The following OSBPL10 variants were observed in gnomAD, a reference collection of about 807,000 sequenced individuals.
The protein encoded by OSBPL10 is oxysterol-binding protein-related protein 10.
Under a neutral mutation model 81.7 loss-of-function variants are expected in OSBPL10, and 49 were observed. That is an observed-to-expected ratio of 0.60 (90% CI 0.48 to 0.76). OSBPL10 has a LOEUF of 0.76. Among genes scored for constraint, OSBPL10 ranks in the 30% least tolerant of loss-of-function variants. The pLI is 0.00. For synonymous variants in OSBPL10, 419 were observed against 383.6 expected (o/e 1.09, Z -1.08); for missense variants, 923 against 987.8 (o/e 0.93, Z 0.88).
At chr3:31,851,416 A>C (rs958386887) in intron 3 of OSBPL10, among the ~76,000 whole-genome samples, 1 of 152,164 alleles carries the variant, frequency 6.6e-6, no homozygotes, top group Non-Finnish European at 1.5e-5. Flanking sequence ...AATGGAGAGG[A>C]AACCGGCAAG....
intron 3 of OSBPL10, among the ~76,000 whole-genome samples, chr3:31,875,154 T>C (rs993285817): frequency 2.7e-5 from 4 of 150,624 alleles, no homozygotes; most frequent in Non-Finnish European, 5.9e-5. Context: ...TGTATTTACG[T>C]AGATACAGTT....
intron 2 of OSBPL10, among the ~76,000 whole-genome samples, chr3:32,040,879 A>T (rs1162306802): frequency 6.6e-6 from 1 of 152,210 alleles, no homozygotes; most frequent in Non-Finnish European, 1.5e-5. Flanking sequence ...TAGGGAACAG[A>T]GAAGAACTGA....
Position 31,830,030 on chromosome 3 carries a change from C to A in OSBPL10, c.729+10G>T, listed in dbSNP as rs200593585. On this transcript the variant is annotated intron_variant, in intron 4 of 11. Coordinates refer to ENST00000396556, the MANE Select transcript of OSBPL10 (RefSeq NM_017784.5). ...GGGGCTGCTTAACCTAGTAGGAGAG[C>A]AAAGCCTACCTCTCTGACTTCGTGA... The A allele has an allele frequency of 1.2e-4, 195 of 1,608,532 alleles. No homozygotes were observed. Among genetic ancestry groups the A allele is most frequent in the Non-Finnish European group, 1.4e-4 (167 of 1,177,930 alleles).
chr3:31,672,281 G>A (rs1316467131), intron 8 of OSBPL10, among the ~76,000 whole-genome samples: 1 of 146,738 alleles, frequency 6.8e-6, no homozygotes, highest in African/African-American at 2.5e-5. Flanking sequence ...TTTAAGAGAG[G>A]TTAAGTAATT....
At chr3:31,929,727 G>A (rs1351682698) in intron 1 of OSBPL10, among the ~76,000 whole-genome samples, 12 of 146,432 alleles carry the variant, frequency 8.2e-5, no homozygotes, top group African/African-American at 2.8e-4. Context: ...CAGCCTGGGC[G>A]ACAGGGCAAG....
At chr3:31,818,322 G>A (rs992079958) in intron 4 of OSBPL10, among the ~76,000 whole-genome samples, 1 of 152,158 alleles carries the variant, frequency 6.6e-6, no homozygotes, top group Non-Finnish European at 1.5e-5. Context: ...CACTTGAACT[G>A]CAATATTGGC....
chr3:31,764,536 G>GT (rs1422050436), intron 4 of OSBPL10, among the ~76,000 whole-genome samples: 2 of 152,202 alleles, frequency 1.3e-5, no homozygotes, highest in Non-Finnish European at 2.9e-5. Flanking sequence ...GAAGGATCGA[G>GT]TTCCAAAGCT....
At chr3:31,822,936 TA>T (rs1374289871) in intron 4 of OSBPL10, among the ~76,000 whole-genome samples, 1 of 53,602 alleles carries the variant, frequency 1.9e-5, no homozygotes, top group Non-Finnish European at 4.0e-5. Context: ...AAAGTTAAAA[TA>T]GAAAAAAAAA....
chr3:31,876,390 G>C (rs755241795), intron 3 of OSBPL10, 43 bp downstream of exon 3: 30 of 1,503,906 alleles, frequency 2.0e-5, no homozygotes, highest in Admixed American at 3.3e-5. Flanking sequence ...TGAAAGCCAG[G>C]CTGGTTATTC....
chr3:31,983,149 T>G (rs1291086651), upstream of OSBPL10, among the ~76,000 whole-genome samples: 2 of 152,338 alleles, frequency 1.3e-5, no homozygotes, highest in East Asian at 3.9e-4. Flanking sequence ...TTAGCATTAT[T>G]TTTTACCACA....
At chr3:31,711,448 T>A (rs745650958) in intron 6 of OSBPL10, among the ~76,000 whole-genome samples, 7 of 152,236 alleles carry the variant, frequency 4.6e-5, no homozygotes, top group South Asian at 4.1e-4. Flanking sequence ...CATGGAGGAA[T>A]CCTAGCTAAC....
At chr3:32,025,092 T>A (rs1189228747) in intron 2 of OSBPL10, among the ~76,000 whole-genome samples, 1 of 152,142 alleles carries the variant, frequency 6.6e-6, no homozygotes, top group Non-Finnish European at 1.5e-5. Context: ...GAGGAAAACA[T>A]TCAGTCCTAC....
chr3:31,765,958 TC>T (rs1698182536), intron 4 of OSBPL10, among the ~76,000 whole-genome samples: 1 of 152,156 alleles, frequency 6.6e-6, no homozygotes, highest in African/African-American at 2.4e-5. Flanking sequence ...AAAGAGCTAC[TC>T]TTTCTTTCCT....
At chr3:31,664,348 G>C (rs537190149) in intron 10 of OSBPL10, 116 bp from the exon 11 acceptor site, 1 of 1,037,498 alleles carries the variant, frequency 9.6e-7, no homozygotes, top group Non-Finnish European at 1.4e-6. Context: ...CCCCTCTGGG[G>C]TAGCTCATCC....
chr3:32,025,168 C>T (rs1369796794), intron 2 of OSBPL10, among the ~76,000 whole-genome samples: 2 of 152,152 alleles, frequency 1.3e-5, no homozygotes, highest in Non-Finnish European at 2.9e-5. Context: ...GGAAGGACCC[C>T]TCTATCTTGT....
intron 1 of OSBPL10, chr3:31,906,886 C>T (rs1304387413): frequency 6.6e-6 from 1 of 152,224 alleles, no homozygotes; most frequent in East Asian, 1.9e-4. Context: ...TCACTGAAGT[C>T]ACTGAAGACA....
At chr3:32,075,925 A>G (rs1454772371) in intron 1 of OSBPL10, among the ~76,000 whole-genome samples, 1 of 152,152 alleles carries the variant, frequency 6.6e-6, no homozygotes, top group African/African-American at 2.4e-5. Flanking sequence ...TTTCTGCCCC[A>G]GCCTGACTGA....
intron 1 of OSBPL10, among the ~76,000 whole-genome samples, chr3:31,921,135 G>A (rs1696900480): frequency 1.3e-5 from 2 of 152,074 alleles, no homozygotes; most frequent in African/African-American, 2.4e-5. Flanking sequence ...ATATCAACAT[G>A]TTAAACATAA....
At chr3:31,909,854 T>C (rs1198235225) in intron 1 of OSBPL10, among the ~76,000 whole-genome samples, 1 of 152,160 alleles carries the variant, frequency 6.6e-6, no homozygotes, top group Non-Finnish European at 1.5e-5. Context: ...ACACCATTTT[T>C]TTAAAAATGT....
Sources: allele counts gnomAD v4.1 joint callset (sites outside exome capture counted in the v4.1 genomes callset), GRCh38; gene constraint gnomAD v4.1.1; transcripts MANE v1.5; gene names NCBI Gene and HGNC (gene_info 2026-07-23, HGNC 2026-07-21).